The following PUDP variants were observed in gnomAD, a reference collection of about 807,000 sequenced individuals.
The protein encoded by PUDP is pseudouridine 5'-phosphatase.
In PUDP, 8 loss-of-function variants were observed where a neutral mutation model predicts 9.4. The ratio of observed to expected loss-of-function variants is 0.85; its 90% CI spans 0.50 to 1.53. The LOEUF (loss-of-function observed/expected upper bound fraction) is 1.53, where lower values mean the gene tolerates loss of function less well. Ranked by LOEUF, PUDP falls within the 40% of genes most tolerant of loss-of-function variation. The pLI, the probability that PUDP is intolerant of heterozygous loss-of-function variation, is 0.00. For synonymous variants in PUDP, 99 were observed against 80.7 expected, an observed-to-expected ratio of 1.23 and a Z score of -1.22; for missense variants, 188 against 189.7, an observed-to-expected ratio of 0.99 and a Z score of 0.05.
intron 1 of PUDP, among the ~76,000 whole-genome samples, chrX:7,019,584 G>T (rs1250502702): frequency 9.0e-6 from 1 of 111,555 alleles, no homozygotes; most frequent in Non-Finnish European, 1.9e-5. Context: ...TCTCTCTGAC[G>T]CCTGCTACCC....
intron 1 of PUDP, among the ~76,000 whole-genome samples, chrX:7,020,093 G>A (rs1267550404): frequency 1.8e-5 from 2 of 110,442 alleles, no homozygotes; most frequent in Non-Finnish European, 3.8e-5. Context: ...CTGACATGCT[G>A]GAGAGATAGT....
At chrX:7,107,067 C>T (rs1416011288) in intron 1 of PUDP, among the ~76,000 whole-genome samples, 1 of 111,763 alleles carries the variant, frequency 8.9e-6, no homozygotes, top group African/African-American at 3.3e-5. Context: ...CTGTTCACAA[C>T]TGATTTAAGA....
chrX:7,035,987 G>A (rs12556879), intron 1 of PUDP, among the ~76,000 whole-genome samples: 27,127 of 110,447 alleles, frequency 0.25, 2,646 homozygotes, highest in Admixed American at 0.41. Context: ...CCACCTCCCC[G>A]GTTTCTCTCT....
intron 3 of PUDP, among the ~76,000 whole-genome samples, chrX:6,895,317 AATT>A (rs1403261648): frequency 2.8e-5 from 3 of 106,385 alleles, no homozygotes; most frequent in South Asian, 3.9e-4. Context: ...TATTGGACAT[AATT>A]ATTATATATA....
intron 1 of PUDP, among the ~76,000 whole-genome samples, chrX:7,043,756 T>C (rs1280781306): frequency 1.8e-5 from 2 of 110,967 alleles, no homozygotes; most frequent in African/African-American, 6.6e-5. Flanking sequence ...GGATGGGTTA[T>C]ATGGAGAATT....
intron 3 of PUDP, among the ~76,000 whole-genome samples, chrX:6,941,662 G>A (rs948734061): frequency 1.0e-5 from 1 of 100,480 alleles, no homozygotes; most frequent in Non-Finnish European, 2.1e-5. Flanking sequence ...GTCATCTTGT[G>A]GAAAATAAGA....
rs188065451 is a variant in PUDP at position 6,844,972 on chromosome X, T to G, written c.*247+132161A>C. On this transcript the variant is annotated intron_variant and NMD_transcript_variant, in intron 3 of 3. Coordinates refer to the PUDP transcript ENST00000655425. ...GAAGAGAAAGCAAATTCACCCTTCT[T>G]CTGCCTTTTCGTTTTATTTGGGCTC... Among the ~76,000 whole-genome samples, 4 of 112,339 alleles carry G rather than the reference T, an allele frequency of 3.6e-5. No individual in the cohort carries two copies. The East Asian group carries it at 1.1e-3, about 32-fold the overall frequency.
chrX:6,714,721 T>C (rs1460124071), intron 1 of PUDP, among the ~76,000 whole-genome samples: 1 of 111,171 alleles, frequency 9.0e-6, no homozygotes, highest in African/African-American at 3.3e-5. Flanking sequence ...TGATGATAGA[T>C]AGATAGATAT....
chrX:6,853,878 C>T (rs1293942439), intron 3 of PUDP, among the ~76,000 whole-genome samples: 2 of 111,130 alleles, frequency 1.8e-5, no homozygotes, highest in Admixed American at 9.6e-5. Context: ...ATTCTCCTGC[C>T]TCAGCCTCCC....
chrX:6,992,374 G>C (rs928921856), intron 1 of PUDP, among the ~76,000 whole-genome samples: 6 of 89,197 alleles, frequency 6.7e-5, no homozygotes, highest in African/African-American at 2.4e-4. Context: ...CCGGGTTCAC[G>C]CCATTCTCCT....
intron 3 of PUDP, among the ~76,000 whole-genome samples, chrX:6,938,786 C>CTTT (rs764265665): frequency 1.9e-4 from 16 of 83,408 alleles, no homozygotes; most frequent in African/African-American, 6.1e-4. Context: ...TTCTTTCTTT[C>CTTT]TTTTTTTTTT....
intron 2 of PUDP, chrX:7,085,343 A>G (rs1418450247): frequency 8.9e-6 from 1 of 112,471 alleles, no homozygotes; most frequent in African/African-American, 3.2e-5. Flanking sequence ...TTCACAATGC[A>G]AGGACTTGTC....
intron 1 of PUDP, among the ~76,000 whole-genome samples, chrX:7,011,255 T>C (rs1286307548): frequency 3.6e-5 from 4 of 111,892 alleles, no homozygotes; most frequent in Non-Finnish European, 7.5e-5. Flanking sequence ...CCCTCCAGTT[T>C]TGTTGCTTGC....
chrX:6,889,642 CT>C (rs199790374), intron 3 of PUDP, among the ~76,000 whole-genome samples: 1 of 109,902 alleles, frequency 9.1e-6, no homozygotes, highest in South Asian at 3.9e-4. Flanking sequence ...TTAATTATCC[CT>C]TTTTTTCCAT....
chrX:7,077,417 G>A lies in PUDP; in HGVS notation c.313C>T (p.His105Tyr). 3 of 1,210,874 alleles carry A rather than the reference G, an allele frequency of 2.5e-6. No individual in the cohort carries two copies. Among genetic ancestry groups the A allele is most frequent in the South Asian group, 1.8e-5 (1 of 56,921 alleles). ...GTGGCCAGTGCAAAGGGGATGCCAT[G>A]TTTCCGCAGGTGGATGATGAGTTTC... Reference protein sequence around the residue: ...AEKLIIHLRKHGIPFALATSS... With the variant: ...AEKLIIHLRKYGIPFALATSS... The change falls in exon 3 of 4, where the codon CAT (histidine) becomes TAT (tyrosine). Residue 105 changes from histidine to tyrosine, a missense_variant. Transcript: ENST00000381077.
chrX:7,008,888 A>C (rs1304793533), intron 1 of PUDP, among the ~76,000 whole-genome samples: 1 of 112,283 alleles, frequency 8.9e-6, no homozygotes, highest in Non-Finnish European at 1.9e-5. Flanking sequence ...GAGGTTTACA[A>C]TGTAGTCAAA....
intron 3 of PUDP, among the ~76,000 whole-genome samples, chrX:6,791,065 A>G (rs1248486837): frequency 8.9e-6 from 1 of 111,849 alleles, no homozygotes; most frequent in African/African-American, 3.3e-5. Context: ...ACACAAGAAT[A>G]TATTTGTTGG....
At chrX:6,716,328 T>C (rs1924599598) in intron 1 of PUDP, among the ~76,000 whole-genome samples, 1 of 111,364 alleles carries the variant, frequency 9.0e-6, no homozygotes, top group African/African-American at 3.3e-5. Context: ...ACTTTAATGC[T>C]GATAAAAAGT....
chrX:6,825,539 C>T (rs1160391904), intron 3 of PUDP, among the ~76,000 whole-genome samples: 1 of 111,456 alleles, frequency 9.0e-6, no homozygotes, highest in Non-Finnish European at 1.9e-5. Context: ...AGGTGATGGA[C>T]ATGGTGTTTC....
Sources: allele counts gnomAD v4.1 joint callset (sites outside exome capture counted in the v4.1 genomes callset), GRCh38; gene constraint gnomAD v4.1.1; transcripts MANE v1.5; gene names NCBI Gene and HGNC (gene_info 2026-07-23, HGNC 2026-07-21).